MGST2: variants seen among roughly 807,000 people sequenced by gnomAD.
The protein encoded by MGST2 is microsomal glutathione S-transferase 2.
A neutral mutation model predicts 16.6 loss-of-function variants in MGST2; 9 were observed. The observed-to-expected ratio is 0.54, with a 90% CI of 0.33 to 0.95. MGST2 has a LOEUF of 0.95. Ranked by LOEUF, MGST2 falls within the 40% of genes least tolerant of loss-of-function variation. The pLI, the probability that MGST2 is intolerant of heterozygous loss-of-function variation, is 0.03. For synonymous variants in MGST2, 79 were observed against 68.0 expected (o/e 1.16, Z -0.79); for missense variants, 159 against 175.1 (o/e 0.91, Z 0.52).
At chr4:139,714,076 A>C (rs1480038761) in intron 5 of MGST2, among the ~76,000 whole-genome samples, 2 of 152,230 alleles carry the variant, frequency 1.3e-5, no homozygotes, top group Non-Finnish European at 2.9e-5. Context: ...CAAGCTCCCA[A>C]GGACATAAAA....
chr4:139,670,760 A>G (rs1273861253), intron 1 of MGST2, among the ~76,000 whole-genome samples: 1 of 152,050 alleles, frequency 6.6e-6, no homozygotes, highest in Non-Finnish European at 1.5e-5. Flanking sequence ...TAAAAATACA[A>G]AAAATTAGCT....
rs188473135 is a variant in MGST2, at chr4:139,672,514, C to G, written c.59-6029C>G. Among the ~76,000 whole-genome samples, 6 of 152,220 alleles carry G rather than the reference C, an allele frequency of 3.9e-5. No individual in the cohort carries two copies. The East Asian group carries it at 1.2e-3, about 29-fold the overall frequency. ...CAGGGCCCATCTGTACATTCCTTCT[C>G]CTCACTCTGCTCTCTCAGGCTGCAG... On this transcript the variant is annotated intron_variant, in intron 1 of 4. Transcript: ENST00000265498.
chr4:139,671,894 A>T (rs1198530827), intron 1 of MGST2, among the ~76,000 whole-genome samples: 1 of 152,098 alleles, frequency 6.6e-6, no homozygotes, highest in African/African-American at 2.4e-5. Context: ...CACCCGCCTC[A>T]ACCTCCCAAA....
intron 1 of MGST2, among the ~76,000 whole-genome samples, chr4:139,676,746 G>A (rs1042150042): frequency 6.6e-6 from 1 of 152,186 alleles, no homozygotes; most frequent in Non-Finnish European, 1.5e-5. Context: ...AGTTGTTCCT[G>A]TTACAAACAA....
the MGST2 span, among the ~76,000 whole-genome samples, chr4:139,751,429 G>A: frequency 1.3e-5 from 2 of 152,214 alleles, no homozygotes; most frequent in African/African-American, 4.8e-5. Context: ...CACATAGTGT[G>A]AAGGTAATTA....
intron 2 of MGST2, among the ~76,000 whole-genome samples, chr4:139,689,257 G>C (rs1192061905): frequency 1.3e-5 from 2 of 152,102 alleles, no homozygotes; most frequent in Non-Finnish European, 2.9e-5. Context: ...ACAAGAGGGA[G>C]CTGGGAGGTG....
chr4:139,668,143 T>A (rs1308649379), intron 1 of MGST2, among the ~76,000 whole-genome samples: 1 of 152,210 alleles, frequency 6.6e-6, no homozygotes, highest in African/African-American at 2.4e-5. Flanking sequence ...ATTTTCTGAT[T>A]GGCAATTGAT....
At chr4:139,676,887 T>C (rs7671498) in intron 1 of MGST2, among the ~76,000 whole-genome samples, 2,115 of 152,334 alleles carry the variant, frequency 0.014, 52 homozygotes, top group African/African-American at 0.047. Flanking sequence ...CTTTGCATTG[T>C]GGAGAATCTC....
At chr4:139,675,714 G>A (rs1730923959) in intron 1 of MGST2, among the ~76,000 whole-genome samples, 1 of 152,210 alleles carries the variant, frequency 6.6e-6, no homozygotes, top group African/African-American at 2.4e-5. Context: ...CGAGAGGACT[G>A]AGCGCGCCGG....
intron 5 of MGST2, among the ~76,000 whole-genome samples, chr4:139,711,597 G>A (rs1184377712): frequency 6.6e-6 from 1 of 152,124 alleles, no homozygotes; most frequent in Non-Finnish European, 1.5e-5. Flanking sequence ...CACTCTCGTC[G>A]CCATTTTGGT....
At chr4:139,666,225 G>A in intron 1 of MGST2, 148 bp downstream of exon 1, 1 of 808,100 alleles carries the variant, frequency 1.2e-6, no homozygotes, top group African/African-American at 1.7e-5. Flanking sequence ...GGTCCTCAGA[G>A]CACAGTCGCC....
At chr4:139,693,406 A>G (rs1385932115) in intron 2 of MGST2, among the ~76,000 whole-genome samples, 1 of 134,686 alleles carries the variant, frequency 7.4e-6, no homozygotes, top group African/African-American at 2.9e-5. Flanking sequence ...CTACGTCTCA[A>G]AAAAAAAAAA....
chr4:139,734,880 G>C (rs1190391147), intron 5 of MGST2, among the ~76,000 whole-genome samples: 2 of 152,262 alleles, frequency 1.3e-5, no homozygotes, highest in Non-Finnish European at 2.9e-5. Context: ...GGGACCCCGT[G>C]GATAACGGGC....
the MGST2 span, among the ~76,000 whole-genome samples, chr4:139,747,448 C>G: frequency 6.6e-6 from 1 of 152,200 alleles, no homozygotes; most frequent in Admixed American, 6.5e-5. Flanking sequence ...AATCCCAGCA[C>G]TTTGGGAGGC....
intron 5 of MGST2, among the ~76,000 whole-genome samples, chr4:139,738,659 T>G (rs965768103): frequency 4.0e-5 from 6 of 151,858 alleles, no homozygotes. Flanking sequence ...GCTGCCCAAT[T>G]GCTGGGGAAC....
chr4:139,750,223 T>G, the MGST2 span, among the ~76,000 whole-genome samples: 1 of 152,126 alleles, frequency 6.6e-6, no homozygotes, highest in African/African-American at 2.4e-5. Context: ...CTCCCATAGC[T>G]CCAAGTGACA....
chr4:139,731,473 C>G (rs950290821), intron 5 of MGST2: 2 of 102,514 alleles, frequency 2.0e-5, no homozygotes, highest in African/African-American at 8.8e-5. Flanking sequence ...AAAAAATTAG[C>G]CAGACATGGT....
intron 5 of MGST2, among the ~76,000 whole-genome samples, chr4:139,726,023 A>G (rs1238946384): frequency 6.6e-6 from 1 of 152,250 alleles, no homozygotes; most frequent in East Asian, 1.9e-4. Context: ...CAAAACGAAC[A>G]CACTCAGGGC....
At chr4:139,750,975 C>G in the MGST2 span, among the ~76,000 whole-genome samples, 1 of 152,152 alleles carries the variant, frequency 6.6e-6, no homozygotes, top group African/African-American at 2.4e-5. Flanking sequence ...ATTTGGAACA[C>G]CTGGCAAGCT....
Sources: allele counts gnomAD v4.1 joint callset (sites outside exome capture counted in the v4.1 genomes callset), GRCh38; gene constraint gnomAD v4.1.1; transcripts MANE v1.5; gene names NCBI Gene and HGNC (gene_info 2026-07-23, HGNC 2026-07-21).